Variants in PDE8B observed in about 807,000 individuals in gnomAD.
PDE8B encodes the protein phosphodiesterase 8B.
PDE8B carries 26 observed loss-of-function variants against 101.3 expected under a neutral mutation model. The ratio of observed to expected loss-of-function variants is 0.26; its 90% CI spans 0.19 to 0.36. The LOEUF is 0.36. Among genes scored for constraint, PDE8B ranks in the 10% least tolerant of loss-of-function variants. The pLI, the probability that PDE8B is intolerant of heterozygous loss-of-function variation, is 1.00. For synonymous variants in PDE8B, 424 were observed against 429.3 expected (o/e 0.99, Z 0.15); for missense variants, 810 against 1,163.1 (o/e 0.70, Z 4.42).
intron 5 of PDE8B, among the ~76,000 whole-genome samples, chr5:77,333,127 C>T (rs999251360): frequency 6.6e-6 from 1 of 152,056 alleles, no homozygotes; most frequent in African/African-American, 2.4e-5. Context: ...GCTCACGATG[C>T]GTGATAGAAA....
At chr5:77,290,328 G>A (rs1467549936) in intron 1 of PDE8B, 1 of 1,486,386 alleles carries the variant, frequency 6.7e-7, no homozygotes, top group Admixed American at 1.7e-5. Context: ...GGGGCTCCGA[G>A]AGGAAAATGA....
chr5:77,409,726 C>A (rs1034429233), intron 14 of PDE8B, among the ~76,000 whole-genome samples: 1 of 152,120 alleles, frequency 6.6e-6, no homozygotes, highest in Non-Finnish European at 1.5e-5. Context: ...GAAAAAAATT[C>A]AAATTGTTTA....
At chr5:77,199,525 G>A in the PDE8B span, among the ~76,000 whole-genome samples, 1 of 152,142 alleles carries the variant, frequency 6.6e-6, no homozygotes, top group South Asian at 2.1e-4. Flanking sequence ...ATTTCGAAAA[G>A]ATCAGATCCC....
At chr5:77,268,867 A>G (rs1281032161) in intron 1 of PDE8B, among the ~76,000 whole-genome samples, 1 of 150,732 alleles carries the variant, frequency 6.6e-6, no homozygotes, top group Non-Finnish European at 1.5e-5. Context: ...TTATCCAATC[A>G]TCTGTTGATG....
At chr5:77,184,255 C>T in the PDE8B span, among the ~76,000 whole-genome samples, 3 of 152,182 alleles carry the variant, frequency 2.0e-5, no homozygotes, top group Non-Finnish European at 4.4e-5. Flanking sequence ...TGTGAGCCAC[C>T]GTGCTGGCCA....
intron 18 of PDE8B, 49 bp downstream of exon 18, chr5:77,418,495 T>C: frequency 7.7e-7 from 1 of 1,297,836 alleles, no homozygotes; most frequent in Non-Finnish European, 1.1e-6. Flanking sequence ...GTTTAAGTGG[T>C]TTTCCCAAAT....
Position 77,353,412 on chromosome 5 carries a change from G to GT in PDE8B, c.1167+7dup, listed in dbSNP as rs772034412. 9 of 1,570,666 alleles carry GT rather than the reference G, an allele frequency of 5.7e-6. No individual in the cohort carries two copies. The highest frequency in any genetic ancestry group is 7.0e-6 in the Non-Finnish European group (8 of 1,140,544). ...CCACTGACAATAATAAGCAGGTATG[G>GT]TATTAGCTCACTTCGTTTGCTCTGT... is the stretch of plus-strand genomic sequence containing the variant. On this transcript the variant is annotated splice_region_variant and intron_variant, in intron 10 of 21. Coordinates refer to ENST00000264917, the MANE Select transcript of PDE8B (RefSeq NM_003719.5).
At chr5:77,153,633 G>C in the PDE8B span, among the ~76,000 whole-genome samples, 6,438 of 147,674 alleles carry the variant, frequency 0.044, 197 homozygotes, top group African/African-American at 0.081. Context: ...GGAGTGCAGT[G>C]GTATGATCTC....
the PDE8B span, among the ~76,000 whole-genome samples, chr5:77,175,822 T>A: frequency 1.3e-5 from 2 of 152,228 alleles, no homozygotes; most frequent in Non-Finnish European, 2.9e-5. Context: ...ACCACCGATT[T>A]ATATATATGC....
the PDE8B span, chr5:77,146,205 G>C: frequency 1.3e-5 from 2 of 152,206 alleles, no homozygotes; most frequent in Non-Finnish European, 2.9e-5. Flanking sequence ...TCAAGCAGAT[G>C]CTGTAATGAT....
At chr5:77,108,632 G>A in the PDE8B span, among the ~76,000 whole-genome samples, 1 of 152,212 alleles carries the variant, frequency 6.6e-6, no homozygotes, top group Non-Finnish European at 1.5e-5. Flanking sequence ...GCAGTGAGCC[G>A]AGATTGCGCC....
At chr5:77,225,847 T>TGC (rs1188467154) in intron 1 of PDE8B, among the ~76,000 whole-genome samples, 2 of 94,348 alleles carry the variant, frequency 2.1e-5, no homozygotes, top group Admixed American at 1.1e-4. Context: ...CACATGCGCG[T>TGC]GCACACACAC....
chr5:77,135,473 A>ATTTTTTTTTTTTTTTTTTTTTTTT, the PDE8B span, among the ~76,000 whole-genome samples: 1 of 121,536 alleles, frequency 8.2e-6, no homozygotes. Flanking sequence ...AGCCAGAGGA[A>ATTTTTTTTTTTTTTTTTTTTTTTT]TTTTTTTTTT....
At chr5:77,224,650 T>A (rs1184500772) in intron 1 of PDE8B, among the ~76,000 whole-genome samples, 2 of 152,244 alleles carry the variant, frequency 1.3e-5, no homozygotes, top group African/African-American at 2.4e-5. Flanking sequence ...CAAGACAGTG[T>A]TGAAGTTTCC....
rs1012994774 is a variant in PDE8B, at chr5:77,399,693, C to A, written c.1168-555C>A. 7.3e-5 allele frequency among the ~76,000 whole-genome samples: 11 copies of A among 151,724 alleles called. No individual in the cohort carries two copies. In the South Asian group the frequency reaches 1.2e-3, roughly 17 times the overall value. Reference sequence around the variant, plus strand: ...AGCATTAGCACAAAACCATTAACAACAAAAAAAATTGATAATGAGAAAGAA... The same window carrying A: ...AGCATTAGCACAAAACCATTAACAAAAAAAAAAATTGATAATGAGAAAGAA... On this transcript the variant is annotated intron_variant, in intron 10 of 21. Coordinates refer to ENST00000264917, the MANE Select transcript of PDE8B (RefSeq NM_003719.5).
intron 7 of PDE8B, among the ~76,000 whole-genome samples, chr5:77,349,166 CCT>C (rs1780648785): frequency 6.6e-6 from 1 of 152,072 alleles, no homozygotes; most frequent in Non-Finnish European, 1.5e-5. Flanking sequence ...CTTCTGATAT[CCT>C]ACAGGGGATC....
At chr5:77,166,336 C>T in the PDE8B span, among the ~76,000 whole-genome samples, 1 of 151,790 alleles carries the variant, frequency 6.6e-6, no homozygotes, top group Non-Finnish European at 1.5e-5. Flanking sequence ...GGCTTGTCTT[C>T]GGTACCATAA....
chr5:77,164,717 C>A, the PDE8B span, among the ~76,000 whole-genome samples: 3 of 152,156 alleles, frequency 2.0e-5, no homozygotes, highest in Non-Finnish European at 2.9e-5. Context: ...TCACCTGGAA[C>A]AGAAGGTGTT....
intron 18 of PDE8B, 145 bp downstream of exon 18, chr5:77,418,591 G>T: frequency 1.4e-6 from 1 of 699,426 alleles, no homozygotes. Context: ...AACTTAATTT[G>T]ACTTTTCAGA....
Sources: allele counts gnomAD v4.1 joint callset (sites outside exome capture counted in the v4.1 genomes callset), GRCh38; gene constraint gnomAD v4.1.1; transcripts MANE v1.5; gene names NCBI Gene and HGNC (gene_info 2026-07-23, HGNC 2026-07-21).